Variants in SF3B3 observed in about 807,000 individuals in gnomAD.
SF3B3 encodes the protein splicing factor 3b subunit 3.
Under a neutral mutation model 139.2 loss-of-function variants are expected in SF3B3, and 33 were observed. That is an observed-to-expected ratio of 0.24 (90% CI 0.18 to 0.32). The LOEUF is 0.32. Ranked by LOEUF, SF3B3 falls within the 10% of genes least tolerant of loss-of-function variation. The pLI is 1.00. For missense variants in SF3B3, 818 were observed against 1,509.4 expected (o/e 0.54, Z 7.59); for synonymous variants, 596 against 563.6 (o/e 1.06, Z -0.81).
intron 6 of SF3B3, among the ~76,000 whole-genome samples, chr16:70,537,706 T>C (rs181542446): frequency 2.1e-4 from 32 of 152,306 alleles, no homozygotes; most frequent in African/African-American, 7.5e-4. Flanking sequence ...TGTATTTGGC[T>C]TTGCAATAAC....
At chr16:70,534,960 C>G (rs1034982129) in intron 5 of SF3B3, among the ~76,000 whole-genome samples, 1 of 152,164 alleles carries the variant, frequency 6.6e-6, no homozygotes, top group Non-Finnish European at 1.5e-5. Context: ...GCCACCATGC[C>G]CAGCCTGAAC....
chr16:70,556,678 T>G (rs974764685), intron 14 of SF3B3: 23 of 625,992 alleles, frequency 3.7e-5, no homozygotes, highest in African/African-American at 2.8e-4. Flanking sequence ...TTATCTTCTT[T>G]GACAAAAGGA....
intron 1 of SF3B3, among the ~76,000 whole-genome samples, chr16:70,525,978 AAAG>A (rs2050059531): frequency 2.0e-5 from 3 of 150,394 alleles, no homozygotes; most frequent in East Asian, 1.9e-4. Flanking sequence ...AAAAAAAAAA[AAAG>A]GAAAAAAAAA....
rs2050099995 is a variant in SF3B3, at chr16:70,529,473, C to A, written c.397+274C>A. ...GGCAAAAAGACTACAATGAAATGAT[C>A]TTATGTTATTAGACAGTGAATATCG... On this transcript the variant is annotated intron_variant, in intron 3 of 25. Transcript: ENST00000302516. The A allele has an allele frequency of 6.9e-5, 32 of 462,270 alleles. No individual in the cohort carries two copies. In the South Asian group the frequency reaches 8.3e-4, roughly 12 times the overall value. The allele number at this position is 462,270 out of a possible 1,614,324, so 28.6% of individuals were successfully genotyped here. A position where few individuals can be genotyped will look rare whatever the true frequency, so the allele number is the denominator to read the frequency against.
intron 17 of SF3B3, among the ~76,000 whole-genome samples, chr16:70,563,455 T>C (rs570279883): frequency 7.8e-4 from 118 of 152,210 alleles, no homozygotes; most frequent in Non-Finnish European, 1.5e-3. Flanking sequence ...ATTGTCATAG[T>C]TTTCCTGAAC....
At chr16:70,557,614 G>A (rs1456417720) in intron 15 of SF3B3, among the ~76,000 whole-genome samples, 1 of 152,154 alleles carries the variant, frequency 6.6e-6, no homozygotes, top group Non-Finnish European at 1.5e-5. Context: ...GACTAATACA[G>A]TGAACTTCCA....
rs759645744 is a variant in SF3B3, at chr16:70,571,144, C to G, written c.3458C>G (p.Pro1153Arg). The change falls in exon 25 of 26, where the codon CCC becomes CGC. Residue 1153 changes from proline to arginine, a missense_variant. By Grantham distance (103) the Pro-to-Arg change is moderately radical. Around this residue, in one of 14 missense-constraint regions of SF3B3, gnomAD observed 44 missense variants for 40.4 expected, o/e 1.09. Transcript: ENST00000302516. ...HVEMHLRSEH[P>R]PLCGRDHLSF... ...GAAATGCACCTGCGGTCTGAACATC[C>G]CCCTCTCTGTGGGCGGGACCACCTC... is the stretch of plus-strand genomic sequence containing the variant. 6.2e-7 allele frequency: 1 copy of G among 1,614,024 alleles called. No individual in the cohort carries two copies. The highest frequency in any genetic ancestry group is 8.5e-7 in the Non-Finnish European group (1 of 1,179,984).
chr16:70,547,228 C>G (rs1410148980), intron 10 of SF3B3, among the ~76,000 whole-genome samples: 2 of 152,042 alleles, frequency 1.3e-5, no homozygotes, highest in African/African-American at 4.8e-5. Flanking sequence ...CTAATTATAC[C>G]AGTAAACTAG....
In SF3B3 at chr16:70,572,057, G is replaced by A; in HGVS notation, c.*244G>A. On this transcript the variant is annotated 3_prime_UTR_variant, in exon 26 of 26. Coordinates refer to ENST00000302516, the MANE Select transcript of SF3B3 (RefSeq NM_012426.5). ...ATGATACATGACCCCAGGTTCCAGT[G>A]TAGAACCTGAGTCCCCCATTCCCCA... 1 of 649,520 alleles carries A rather than the reference G, an allele frequency of 1.5e-6. No homozygotes were observed. The highest frequency in any genetic ancestry group is 1.5e-5 in the South Asian group (1 of 66,228). The allele number at this position is 649,520 out of a possible 1,614,324, so 40.2% of individuals were successfully genotyped here.
chr16:70,544,857 G>A (rs1360794754), intron 10 of SF3B3, among the ~76,000 whole-genome samples: 2 of 151,928 alleles, frequency 1.3e-5, no homozygotes, highest in Non-Finnish European at 2.9e-5. Flanking sequence ...CCCAGCCTGT[G>A]CTTTTTTCTA....
At chr16:70,537,860 G>A (rs1048712389) in intron 6 of SF3B3, 1 of 352,654 alleles carries the variant, frequency 2.8e-6, no homozygotes, top group Non-Finnish European at 5.6e-6. Context: ...GATCCCTTGA[G>A]CCCAGGAGTT....
At chr16:70,557,511 A>T (rs186062674) in intron 15 of SF3B3, among the ~76,000 whole-genome samples, 1 of 152,292 alleles carries the variant, frequency 6.6e-6, no homozygotes, top group Admixed American at 6.5e-5. Context: ...ATGATTATTG[A>T]CTCAGACATC....
chr16:70,533,407 GAGTCT>G (rs2050139420), intron 5 of SF3B3, among the ~76,000 whole-genome samples: 1 of 152,150 alleles, frequency 6.6e-6, no homozygotes, highest in Non-Finnish European at 1.5e-5. Flanking sequence ...GCCGCTCTCT[GAGTCT>G]AGTATGACTA....
intron 12 of SF3B3, among the ~76,000 whole-genome samples, 190 bp downstream of exon 12, chr16:70,554,787 T>C (rs1297480392): frequency 6.6e-6 from 1 of 152,268 alleles, no homozygotes; most frequent in Non-Finnish European, 1.5e-5. Flanking sequence ...GCCACATCAC[T>C]GCAGCTTTCA....
At chr16:70,538,695 TA>T (rs1020334749) in intron 7 of SF3B3, among the ~76,000 whole-genome samples, 1 of 152,198 alleles carries the variant, frequency 6.6e-6, no homozygotes, top group African/African-American at 2.4e-5. Context: ...AGATAGTGAT[TA>T]TTTTTGGTGT....
chr16:70,560,807 C>G (rs1279538495), intron 16 of SF3B3, among the ~76,000 whole-genome samples: 1 of 152,156 alleles, frequency 6.6e-6, no homozygotes, highest in South Asian at 2.1e-4. Context: ...GTAGAGATAT[C>G]GATCCCTTTA....
chr16:70,529,520 G>A, intron 3 of SF3B3: 1 of 292,726 alleles, frequency 3.4e-6, no homozygotes, highest in Non-Finnish European at 6.5e-6. Flanking sequence ...AGCCTGAAGT[G>A]ATGATTCACA....
At chr16:70,566,268 C>T (rs1199558566) in intron 20 of SF3B3, among the ~76,000 whole-genome samples, 1 of 151,066 alleles carries the variant, frequency 6.6e-6, no homozygotes, top group African/African-American at 2.4e-5. Flanking sequence ...GAAGTGTATA[C>T]TTAAAAATGA....
chr16:70,535,537 C>T, intron 6 of SF3B3, 117 bp downstream of exon 6: 1 of 512,258 alleles, frequency 2.0e-6, no homozygotes, highest in Non-Finnish European at 3.4e-6. Context: ...AATTCAGTGA[C>T]CCTGGGGCAG....
Sources: allele counts gnomAD v4.1 joint callset (sites outside exome capture counted in the v4.1 genomes callset), GRCh38; gene constraint gnomAD v4.1.1; regional missense constraint gnomAD v4.1.1; transcripts MANE v1.5; gene names NCBI Gene and HGNC (gene_info 2026-07-23, HGNC 2026-07-21).